ANKRD36C: variants seen among roughly 807,000 people sequenced by gnomAD.
The protein encoded by ANKRD36C is ankyrin repeat domain 36C.
ANKRD36C carries 61 observed loss-of-function variants against 276.4 expected under a neutral mutation model. The observed-to-expected ratio is 0.22, with a 90% CI of 0.18 to 0.27. The LOEUF (loss-of-function observed/expected upper bound fraction) is 0.27, where lower values mean the gene tolerates loss of function less well. Ranked by LOEUF, ANKRD36C falls within the 10% of genes least tolerant of loss-of-function variation. The probability of loss-of-function intolerance (pLI) is 1.00; values close to 1 mark genes in which losing one functional copy is unlikely to be tolerated. For synonymous variants in ANKRD36C, 483 were observed against 680.1 expected, an observed-to-expected ratio of 0.71 and a Z score of 4.51; for missense variants, 1,447 against 2,032.3, an observed-to-expected ratio of 0.71 and a Z score of 5.54.
intron 60 of ANKRD36C, among the ~76,000 whole-genome samples, 180 bp downstream of exon 80, chr2:95,867,260 C>T (rs1675701332): frequency 6.6e-6 from 1 of 152,152 alleles, no homozygotes; most frequent in African/African-American, 2.4e-5. Flanking sequence ...GTGAAATGAT[C>T]ATAGCCCTTG....
rs1385262145 is a variant in ANKRD36C at position 95,902,951 on chromosome 2, C to T, written c.2654-3615G>A. The T allele has an allele frequency of 3.8e-6, 6 of 1,589,906 alleles. No homozygotes were observed. In the Admixed American group the frequency reaches 8.6e-5, roughly 23 times the overall value. ...ATTCAAAAGAGAATCTTTCTCGTCTCTTGTAGCCTGAATGGAATTTGAAAT... is the reference window on the plus strand; with the variant it reads ...ATTCAAAAGAGAATCTTTCTCGTCTTTTGTAGCCTGAATGGAATTTGAAAT... On this transcript the variant is annotated intron_variant, in intron 42 of 66. Coordinates refer to ENST00000456556, the Ensembl canonical transcript of ANKRD36C.
At chr2:95,852,308 TTATTTATAAAAGGTCATAATC>T in intron 64 of ANKRD36C, 112 bp from the exon 85 acceptor site, 1 of 851,292 alleles carries the variant, frequency 1.2e-6, no homozygotes, top group Non-Finnish European at 1.8e-6. Context: ...AGAATCTTTT[TTATTTATAAAAGGTCATAATC>T]TAGGAGAAGT....
At chr2:95,928,654 C>T (rs185363768) in intron 26 of ANKRD36C, among the ~76,000 whole-genome samples, 1 of 151,498 alleles carries the variant, frequency 6.6e-6, no homozygotes, top group African/African-American at 2.4e-5. Context: ...GTCTTCTTAG[C>T]TCTCATTCTA....
chr2:95,880,139 C>A (rs1356600719), intron 58 of ANKRD36C, among the ~76,000 whole-genome samples: 1 of 149,062 alleles, frequency 6.7e-6, no homozygotes, highest in Admixed American at 6.7e-5. Flanking sequence ...ACAATTGAGC[C>A]ATTGCACTCC....
At chr2:95,896,833 G>C (rs1676564871) in intron 44 of ANKRD36C, among the ~76,000 whole-genome samples, 2 of 149,836 alleles carry the variant, frequency 1.3e-5, no homozygotes, top group South Asian at 4.2e-4. Flanking sequence ...TAGGAAAATA[G>C]TTGCTACACC....
chr2:95,928,800 A>G (rs984717722), intron 26 of ANKRD36C, among the ~76,000 whole-genome samples: 3 of 151,432 alleles, frequency 2.0e-5, no homozygotes, highest in African/African-American at 4.8e-5. Flanking sequence ...AAGCAAAATT[A>G]TGCTGCTCCC....
chr2:95,990,477 G>C (rs1327862400), intron 1 of ANKRD36C, among the ~76,000 whole-genome samples: 1 of 152,116 alleles, frequency 6.6e-6, no homozygotes, highest in African/African-American at 2.4e-5. Context: ...TAAATAACTT[G>C]TGGAAATTAA....
chr2:95,968,372 T>A (rs921324923), intron 6 of ANKRD36C, among the ~76,000 whole-genome samples: 1 of 152,164 alleles, frequency 6.6e-6, no homozygotes, highest in African/African-American at 2.4e-5. Context: ...AATTGCAGTA[T>A]AAAATAGTCA....
intron 3 of ANKRD36C, chr2:95,986,543 A>T: frequency 1.6e-6 from 1 of 614,172 alleles, no homozygotes; most frequent in Non-Finnish European, 2.7e-6. Context: ...ATTATTTACC[A>T]TAAGTGCATG....
intron 44 of ANKRD36C, among the ~76,000 whole-genome samples, chr2:95,897,978 G>A (rs1676604957): frequency 6.9e-6 from 1 of 145,498 alleles, no homozygotes; most frequent in Non-Finnish European, 1.5e-5. Context: ...CAGTGGAAGT[G>A]TGCTAAATTA....
At chr2:95,882,891 G>A (rs538292948) in intron 54 of ANKRD36C, among the ~76,000 whole-genome samples, 1 of 152,212 alleles carries the variant, frequency 6.6e-6, no homozygotes, top group East Asian at 1.9e-4. Context: ...GACATCAGAA[G>A]GATTTATACC....
chr2:95,921,301 T>C (rs940280856), intron 34 of ANKRD36C, among the ~76,000 whole-genome samples: 4 of 150,854 alleles, frequency 2.7e-5, no homozygotes, highest in African/African-American at 4.9e-5. Flanking sequence ...AGTGAAACCA[T>C]GCTGTAGAAT....
chr2:95,941,239 T>C (rs995014286), intron 19 of ANKRD36C, 40 bp from the exon 20 acceptor site: 66 of 1,455,900 alleles, frequency 4.5e-5, no homozygotes, highest in Non-Finnish European at 5.4e-5. Context: ...GAAAATGTTA[T>C]ATTTACTACT....
rs1432881360 is a variant in ANKRD36C at position 95,920,656 on chromosome 2, C to A, written c.2245+951G>T. On this transcript the variant is annotated intron_variant, in intron 34 of 66. Transcript: ENST00000456556. ...TTTGACATACTTCTACAAAGTAAAACTGCTACAAGCATTAGATATTGAGCA... is the reference window on the plus strand; with the variant it reads ...TTTGACATACTTCTACAAAGTAAAAATGCTACAAGCATTAGATATTGAGCA... Among the ~76,000 whole-genome samples the A allele has an allele frequency of 1.5e-5, 2 of 132,650 alleles. 1 individual carries two copies. The highest frequency in any genetic ancestry group is 5.2e-5 in the African/African-American group (2 of 38,098). 87.0% of individuals were successfully genotyped at this position (132,650 alleles called of 152,430 possible).
At chr2:95,966,474 G>A (rs1286253424) in intron 6 of ANKRD36C, among the ~76,000 whole-genome samples, 6 of 152,086 alleles carry the variant, frequency 3.9e-5, no homozygotes, top group African/African-American at 1.2e-4. Context: ...AGATGGTGTC[G>A]ATGTATGGCA....
intron 59 of ANKRD36C, chr2:95,876,093 T>C: frequency 3.1e-6 from 1 of 317,832 alleles, no homozygotes; most frequent in East Asian, 8.2e-5. Flanking sequence ...TCCAGTACGG[T>C]GGTCATCACT....
chr2:95,852,004 G>A, intron 65 of ANKRD36C, 122 bp downstream of exon 85: 1 of 1,201,850 alleles, frequency 8.3e-7, no homozygotes, highest in Non-Finnish European at 1.2e-6. Flanking sequence ...ATAGCTTACA[G>A]ATGAAACTTT....
chr2:95,973,269 G>A (rs1678734489), intron 6 of ANKRD36C, among the ~76,000 whole-genome samples: 1 of 151,870 alleles, frequency 6.6e-6, no homozygotes, highest in Admixed American at 6.6e-5. Context: ...AAAATTAGCT[G>A]GGCGTGGTGG....
intron 52 of ANKRD36C, among the ~76,000 whole-genome samples, chr2:95,885,833 C>T: frequency 6.6e-6 from 1 of 151,772 alleles, no homozygotes. Context: ...CTCTTCTTCC[C>T]AATTTCAATG....
Sources: allele counts gnomAD v4.1 joint callset (sites outside exome capture counted in the v4.1 genomes callset), GRCh38; gene constraint gnomAD v4.1.1; transcripts MANE v1.5; gene names NCBI Gene and HGNC (gene_info 2026-07-23, HGNC 2026-07-21).